The following HHIPL1 variants were observed in gnomAD, a reference collection of about 807,000 sequenced individuals.
HHIPL1 encodes HHIP like 1, also known as HHIP-like protein 1.
In HHIPL1, 43 loss-of-function variants were observed where a neutral mutation model predicts 61.8. The observed-to-expected ratio is 0.70, with a 90% CI of 0.55 to 0.90. The LOEUF is 0.90. HHIPL1 is among the 40% of genes least tolerant of loss of function. The pLI, the probability that HHIPL1 is intolerant of heterozygous loss-of-function variation, is 0.00. For missense variants in HHIPL1, 1,056 were observed against 1,157.7 expected, an observed-to-expected ratio of 0.91 and a Z score of 1.28; for synonymous variants, 482 against 515.8, an observed-to-expected ratio of 0.93 and a Z score of 0.89.
At chr14:99,666,545 C>A (rs1458594096) in intron 6 of HHIPL1, among the ~76,000 whole-genome samples, 1 of 152,198 alleles carries the variant, frequency 6.6e-6, no homozygotes, top group Non-Finnish European at 1.5e-5. Flanking sequence ...CCCAGCCTGG[C>A]CCCTGGACAC....
At chr14:99,669,042 C>T (rs1260335043) in intron 7 of HHIPL1, 12 of 1,472,132 alleles carry the variant, frequency 8.2e-6, no homozygotes, top group Admixed American at 5.1e-5. Context: ...TCACCCTCTT[C>T]AAGCACCTTC....
intron 3 of HHIPL1, 80 bp downstream of exon 3, chr14:99,657,223 T>G: frequency 2.0e-6 from 3 of 1,483,498 alleles, no homozygotes; most frequent in Non-Finnish European, 2.8e-6. Flanking sequence ...GGTGAGTTCC[T>G]TCCTCGGCCA....
chr14:99,659,468 C>G lies in HHIPL1; in HGVS notation c.1087C>G (p.Arg363Gly), dbSNP rs1232867367. 3.9e-6 allele frequency: 6 copies of G among 1,528,772 alleles called. No individual in the cohort carries two copies. Among genetic ancestry groups the G allele is most frequent in the South Asian group, 1.2e-5 (1 of 82,400 alleles). The allele number at this position is 1,528,772 out of a possible 1,614,324, so 94.7% of individuals were successfully genotyped here. Reference protein sequence around the residue: ...LGKVLRIDVDRKERGLPYGIP... With the variant: ...LGKVLRIDVDGKERGLPYGIP... Reference sequence around the variant, plus strand: ...CAAGGTGCTGCGCATCGACGTGGACCGTAAGGAGCGCGGCCTGCCCTACGG... The same window carrying G: ...CAAGGTGCTGCGCATCGACGTGGACGGTAAGGAGCGCGGCCTGCCCTACGG... Residue 363 changes from arginine to glycine, a missense_variant, in exon 4 of 9, where the codon CGT becomes GGT. Coordinates refer to ENST00000330710, the MANE Select transcript of HHIPL1 (RefSeq NM_001127258.3).
chr14:99,614,923 A>C, the HHIPL1 span, among the ~76,000 whole-genome samples: 1 of 152,188 alleles, frequency 6.6e-6, no homozygotes, highest in African/African-American at 2.4e-5. Context: ...TCATGGACAC[A>C]AGTCTCTCCA....
intron 2 of HHIPL1, among the ~76,000 whole-genome samples, chr14:99,656,443 A>T (rs1228880387): frequency 6.6e-6 from 1 of 152,080 alleles, no homozygotes; most frequent in African/African-American, 2.4e-5. Context: ...TCTACCTACT[A>T]GCTCCTTGTG....
In HHIPL1 at chr14:99,659,636, G is replaced by GA; in HGVS notation, c.1256dup (p.Asp419GlufsTer42). ...TGGCCGCGGGCGCCTCTTCTGCGGC[G>GA]ACGTGGGCCAGAACAAGTTCGAGGA... On this transcript the variant is annotated frameshift_variant, in exon 4 of 9. Transcript: ENST00000330710. LOFTEE classifies it high-confidence loss of function. 6.4e-7 allele frequency: 1 copy of GA among 1,553,136 alleles called. No individual in the cohort carries two copies. Among genetic ancestry groups the GA allele is most frequent in the Non-Finnish European group, 8.7e-7 (1 of 1,154,576 alleles).
chr14:99,650,115 G>C (rs1203263537), intron 1 of HHIPL1, among the ~76,000 whole-genome samples: 2 of 152,256 alleles, frequency 1.3e-5, no homozygotes, highest in African/African-American at 4.8e-5. Flanking sequence ...CAGTAGAGGG[G>C]CCAGGAGGAC....
At chr14:99,640,247 C>T (rs2055733797), upstream of HHIPL1, among the ~76,000 whole-genome samples, 1 of 152,146 alleles carries the variant, frequency 6.6e-6, no homozygotes. Flanking sequence ...GAGTATGCAA[C>T]ACATATTTTG....
upstream of HHIPL1, among the ~76,000 whole-genome samples, chr14:99,644,365 G>C (rs537769453): frequency 1.3e-5 from 2 of 151,606 alleles, no homozygotes; most frequent in Admixed American, 1.3e-4. Context: ...AGATTCTAGG[G>C]TAGGTGAGAC....
At chr14:99,621,605 G>C in the HHIPL1 span, among the ~76,000 whole-genome samples, 1 of 151,974 alleles carries the variant, frequency 6.6e-6, no homozygotes, top group African/African-American at 2.4e-5. Context: ...ACCCATCCAG[G>C]ACCCACTGAT....
intron 2 of HHIPL1, among the ~76,000 whole-genome samples, chr14:99,656,192 A>G (rs892123751): frequency 6.6e-6 from 1 of 152,248 alleles, no homozygotes; most frequent in African/African-American, 2.4e-5. Flanking sequence ...AGCTATGATG[A>G]GGAAGAAACC....
intron 7 of HHIPL1, among the ~76,000 whole-genome samples, chr14:99,670,745 T>C (rs1030463185): frequency 1.3e-5 from 2 of 152,228 alleles, no homozygotes; most frequent in Non-Finnish European, 2.9e-5. Flanking sequence ...TTCCTTCATT[T>C]ATGCCCATTT....
chr14:99,645,505 G>A, intron 1 of HHIPL1, 43 bp downstream of exon 1: 1 of 1,257,024 alleles, frequency 8.0e-7, no homozygotes, highest in Non-Finnish European at 9.9e-7. Flanking sequence ...GGCGCGGGAG[G>A]CCGAGTCCTG....
rs899427700 is a variant in HHIPL1, at chr14:99,668,382, C to T, written c.1730+79C>T. ...CTCCACGGGCTTGTCCCCTCCGCCTCGCCCTCAGGTGGGTGGTATTAATCC... is the reference window on the plus strand; with the variant it reads ...CTCCACGGGCTTGTCCCCTCCGCCTTGCCCTCAGGTGGGTGGTATTAATCC... On this transcript the variant is annotated intron_variant, in intron 7 of 8. Transcript: ENST00000330710. The surrounding 1 kb of genome is among the most constrained non-coding windows in gnomAD (Gnocchi z 4.7). 10 of 860,846 alleles carry T rather than the reference C, an allele frequency of 1.2e-5. No homozygotes were observed. The highest frequency in any genetic ancestry group is 4.0e-5 in the South Asian group (3 of 74,880). 53.3% of individuals were successfully genotyped at this position (860,846 alleles called of 1,614,324 possible).
intron 2 of HHIPL1, among the ~76,000 whole-genome samples, chr14:99,654,830 G>A (rs1327612921): frequency 2.6e-5 from 4 of 152,338 alleles, no homozygotes; most frequent in African/African-American, 4.8e-5. Flanking sequence ...CTCCAAGAGA[G>A]ACCAAGTTTA....
chr14:99,676,853 C>T lies in HHIPL1; in HGVS notation c.*1227C>T, dbSNP rs1234458976. Reference sequence around the variant, plus strand: ...GGCACTTAGTATGACTGCGCTCAGCCTCGGATGGGAGCACGGGTGGGGGGT... The same window carrying T: ...GGCACTTAGTATGACTGCGCTCAGCTTCGGATGGGAGCACGGGTGGGGGGT... On this transcript the variant is annotated 3_prime_UTR_variant, in exon 9 of 9. Transcript: ENST00000330710. 5 of 100,126 alleles carry T rather than the reference C, an allele frequency of 5.0e-5. No homozygotes were observed. The Admixed American group carries it at 5.5e-4, about 11-fold the overall frequency. 6.2% of individuals were successfully genotyped at this position (100,126 alleles called of 1,614,324 possible). A position where few individuals can be genotyped will look rare whatever the true frequency, so the allele number is the denominator to read the frequency against.
chr14:99,618,545 T>A, the HHIPL1 span, among the ~76,000 whole-genome samples: 1 of 152,218 alleles, frequency 6.6e-6, no homozygotes, highest in African/African-American at 2.4e-5. Flanking sequence ...CTGATGTCCC[T>A]AAAGTCTACC....
chr14:99,659,309 C>A, intron 3 of HHIPL1, 119 bp from the exon 4 acceptor site: 2 of 756,240 alleles, frequency 2.6e-6, no homozygotes, highest in Non-Finnish European at 3.9e-6. Context: ...GCCCCACAGC[C>A]TAGGCTCACC....
At chr14:99,661,753 C>T (rs2056157224) in intron 5 of HHIPL1, among the ~76,000 whole-genome samples, 1 of 152,172 alleles carries the variant, frequency 6.6e-6, no homozygotes, top group South Asian at 2.1e-4. Context: ...GCTGAAGGTA[C>T]GGTGCCCAGC....
Sources: allele counts gnomAD v4.1 joint callset (sites outside exome capture counted in the v4.1 genomes callset), GRCh38; gene constraint gnomAD v4.1.1; non-coding constraint Gnocchi (gnomAD v3.1); transcripts MANE v1.5; gene names NCBI Gene and HGNC (gene_info 2026-07-23, HGNC 2026-07-21).